The following TMEM131L variants were observed in gnomAD, a reference collection of about 807,000 sequenced individuals.
TMEM131L encodes transmembrane 131 like, also known as transmembrane protein 131-like.
Under a neutral mutation model 192.2 loss-of-function variants are expected in TMEM131L, and 54 were observed. That is an observed-to-expected ratio of 0.28 (90% CI 0.23 to 0.35). The LOEUF is 0.35. Ranked by LOEUF, TMEM131L falls within the 10% of genes least tolerant of loss-of-function variation. The pLI, the probability that TMEM131L is intolerant of heterozygous loss-of-function variation, is 1.00. For missense variants in TMEM131L, 1,888 were observed against 1,972.9 expected (o/e 0.96, Z 0.82); for synonymous variants, 701 against 704.9 (o/e 0.99, Z 0.09).
chr4:153,603,172 T>G (rs1731966608), intron 23 of TMEM131L, 131 bp from the exon 24 acceptor site: 1 of 742,228 alleles, frequency 1.3e-6, no homozygotes, highest in South Asian at 2.7e-5. Flanking sequence ...ATGTGATAAA[T>G]CTTAGGGAAT....
intron 3 of TMEM131L, among the ~76,000 whole-genome samples, chr4:153,519,543 A>G (rs539623215): frequency 2.8e-4 from 42 of 152,332 alleles, no homozygotes; most frequent in African/African-American, 1.0e-3. Flanking sequence ...GTCTGACTCT[A>G]TTTGCCATCA....
Position 153,581,420 on chromosome 4 carries a change from A to G in TMEM131L, c.752A>G (p.Glu251Gly). 1.3e-6 allele frequency: 2 copies of G among 1,565,066 alleles called. No individual in the cohort carries two copies. Among genetic ancestry groups the G allele is most frequent in the African/African-American group, 1.4e-5 (1 of 72,774 alleles). ...VCQQLKGCYL[E>G]SDDVLRLQMS... ...TTCCAACCATAGGGTTGTTATCTGG[A>G]ATCTGATGATGTTTTGCGTCTACAA... The change falls in exon 9 of 35, where the codon GAA (glutamate) becomes GGA (glycine). Residue 251 changes from glutamate to glycine, a missense_variant. Coordinates refer to ENST00000409959, the MANE Select transcript of TMEM131L (RefSeq NM_001131007.2).
intron 3 of TMEM131L, among the ~76,000 whole-genome samples, chr4:153,519,742 T>TA (rs1182885294): frequency 1.3e-5 from 2 of 152,220 alleles, no homozygotes; most frequent in Non-Finnish European, 2.9e-5. Context: ...AGCTAGGCTG[T>TA]AAGACAGAAA....
intron 3 of TMEM131L, among the ~76,000 whole-genome samples, chr4:153,536,315 G>C (rs1736319396): frequency 6.6e-6 from 1 of 152,240 alleles, no homozygotes; most frequent in South Asian, 2.1e-4. Flanking sequence ...TAACACTTCA[G>C]TGCCTCAAGG....
intron 3 of TMEM131L, among the ~76,000 whole-genome samples, chr4:153,507,748 G>A (rs772678304): frequency 2.6e-5 from 4 of 152,000 alleles, no homozygotes; most frequent in Admixed American, 6.6e-5. Context: ...ACCAGGGAAC[G>A]CTTATGTGGT....
intron 2 of TMEM131L, among the ~76,000 whole-genome samples, chr4:153,468,983 C>T (rs1055475285): frequency 1.3e-5 from 2 of 152,044 alleles, no homozygotes; most frequent in South Asian, 4.2e-4. Context: ...TTTGTTAGAG[C>T]GTTAGTTGAA....
intron 3 of TMEM131L, among the ~76,000 whole-genome samples, chr4:153,533,193 C>T (rs1736046430): frequency 6.6e-6 from 1 of 152,140 alleles, no homozygotes; most frequent in Non-Finnish European, 1.5e-5. Flanking sequence ...CCATGTTGGT[C>T]AGGCTGGTCT....
intron 3 of TMEM131L, among the ~76,000 whole-genome samples, chr4:153,533,842 G>A (rs1174052057): frequency 2.6e-5 from 4 of 152,054 alleles, no homozygotes; most frequent in Non-Finnish European, 4.4e-5. Context: ...TCGTAATTTA[G>A]CAAATCACTA....
At chr4:153,534,258 G>A (rs568051873) in intron 3 of TMEM131L, among the ~76,000 whole-genome samples, 2 of 152,208 alleles carry the variant, frequency 1.3e-5, no homozygotes, top group African/African-American at 4.8e-5. Context: ...AGAAAACTGC[G>A]AAACTAAATT....
intron 3 of TMEM131L, among the ~76,000 whole-genome samples, chr4:153,482,003 C>G (rs569877007): frequency 1.2e-4 from 18 of 152,196 alleles, no homozygotes; most frequent in Admixed American, 3.9e-4. Context: ...GGCACCAGCA[C>G]GCCCAGCTAA....
intron 7 of TMEM131L, among the ~76,000 whole-genome samples, chr4:153,576,949 G>A (rs933719847): frequency 6.6e-6 from 1 of 152,118 alleles, no homozygotes; most frequent in Admixed American, 6.5e-5. Flanking sequence ...TAGGCATTGT[G>A]CATTCGAAGC....
At chr4:153,531,604 A>ATT (rs1735905832) in intron 3 of TMEM131L, among the ~76,000 whole-genome samples, 1 of 152,192 alleles carries the variant, frequency 6.6e-6, no homozygotes, top group Non-Finnish European at 1.5e-5. Flanking sequence ...ATTATACAGT[A>ATT]TTTTATTATA....
chr4:153,560,207 A>G (rs1728759962), intron 7 of TMEM131L, among the ~76,000 whole-genome samples: 1 of 152,044 alleles, frequency 6.6e-6, no homozygotes, highest in African/African-American at 2.4e-5. Flanking sequence ...TCTTTTCATC[A>G]CCCATGGAAT....
chr4:153,632,321 C>CA (rs1186167959), intron 31 of TMEM131L: 63 of 141,128 alleles, frequency 4.5e-4, no homozygotes, highest in East Asian at 1.3e-3. Context: ...TCCCCCCACC[C>CA]AAAAAAAAAT....
intron 3 of TMEM131L, among the ~76,000 whole-genome samples, chr4:153,527,359 G>A (rs1390845930): frequency 6.6e-6 from 1 of 151,990 alleles, no homozygotes; most frequent in African/African-American, 2.4e-5. Flanking sequence ...TGCAGCCTCC[G>A]CCTCCTGGGT....
chr4:153,545,004 A>G (rs573798621), intron 3 of TMEM131L, among the ~76,000 whole-genome samples: 1 of 152,182 alleles, frequency 6.6e-6, no homozygotes, highest in Non-Finnish European at 1.5e-5. Flanking sequence ...ATTTGTGAAC[A>G]GCTGGAACAG....
intron 26 of TMEM131L, among the ~76,000 whole-genome samples, chr4:153,620,242 AT>A (rs1377016406): frequency 2.0e-5 from 3 of 152,318 alleles, no homozygotes; most frequent in Admixed American, 2.0e-4. Context: ...TCAGAACCAC[AT>A]TTTTGAAACA....
intron 1 of TMEM131L, 37 bp downstream of exon 1, chr4:153,466,558 AC>A (rs1238321974): frequency 7.8e-7 from 1 of 1,281,456 alleles, no homozygotes; most frequent in Non-Finnish European, 9.9e-7. Flanking sequence ...CTGCCTCTCC[AC>A]CCCGCCCCCG....
chr4:153,556,139 G>A (rs1175097686), intron 5 of TMEM131L, among the ~76,000 whole-genome samples: 1 of 150,240 alleles, frequency 6.7e-6, no homozygotes, highest in African/African-American at 2.4e-5. Context: ...GGGGTTGGGG[G>A]AGAGTTTGAA....
Sources: gnomAD v4.1 joint callset for allele counts (sites outside exome capture counted in the v4.1 genomes callset) on GRCh38, gnomAD v4.1.1 for gene constraint, MANE v1.5 for transcripts, NCBI Gene and HGNC (gene_info 2026-07-23, HGNC 2026-07-21) for gene names.